Variants in SPECC1L observed in about 807,000 individuals in gnomAD.
SPECC1L encodes sperm antigen with calponin homology and coiled-coil domains 1 like.
Under a neutral mutation model 116.8 loss-of-function variants are expected in SPECC1L, and 40 were observed. That is an observed-to-expected ratio of 0.34 (90% CI 0.27 to 0.45). The LOEUF is 0.45. Among genes scored for constraint, SPECC1L ranks in the 20% least tolerant of loss-of-function variants. The pLI, the probability that SPECC1L is intolerant of heterozygous loss-of-function variation, is 1.00. For synonymous variants in SPECC1L, 504 were observed against 500.6 expected (o/e 1.01, Z -0.09); for missense variants, 1,110 against 1,373.6 (o/e 0.81, Z 3.03).
At chr22:24,276,424 C>T (rs2048839143) in intron 1 of SPECC1L, among the ~76,000 whole-genome samples, 1 of 152,032 alleles carries the variant, frequency 6.6e-6, no homozygotes, top group African/African-American at 2.4e-5. Flanking sequence ...CGAAGCGAGA[C>T]TCTGTCTCTA....
In SPECC1L at chr22:24,299,519, T is replaced by G. The variant is rs2049334020; in HGVS notation, c.-37-2676T>G. On this transcript the variant is annotated intron_variant, in intron 2 of 16. Coordinates refer to ENST00000314328, the MANE Select transcript of SPECC1L (RefSeq NM_015330.6). ...AAGTGATCTCAAGCTGCCAGCCTCCTTGAACAGTCTGCATCTCAGCATCTT... is the reference window on the plus strand; with the variant it reads ...AAGTGATCTCAAGCTGCCAGCCTCCGTGAACAGTCTGCATCTCAGCATCTT... 1.3e-5 allele frequency among the ~76,000 whole-genome samples: 2 copies of G among 152,212 alleles called. 1 individual carries two copies. Among genetic ancestry groups the G allele is most frequent in the South Asian group, 4.1e-4 (2 of 4,826 alleles).
At chr22:24,360,061 A>G (rs941556581) in intron 11 of SPECC1L, among the ~76,000 whole-genome samples, 3 of 152,188 alleles carry the variant, frequency 2.0e-5, no homozygotes, top group Admixed American at 2.0e-4. Flanking sequence ...CAAGTAGTGG[A>G]CACCTAAATG....
chr22:24,339,771 C>T (rs184874780), intron 10 of SPECC1L, among the ~76,000 whole-genome samples: 12 of 147,876 alleles, frequency 8.1e-5, no homozygotes, highest in Middle Eastern at 6.9e-3. Context: ...CATGTATATA[C>T]AAGATGTTAT....
chr22:24,301,871 C>A (rs2049386164), intron 2 of SPECC1L, among the ~76,000 whole-genome samples: 1 of 151,828 alleles, frequency 6.6e-6, no homozygotes, highest in African/African-American at 2.4e-5. Flanking sequence ...ACGGTGAAAC[C>A]CTGTCTCTAC....
intron 8 of SPECC1L, 134 bp downstream of exon 8, chr22:24,330,565 C>A: frequency 1.1e-6 from 1 of 922,714 alleles, no homozygotes; most frequent in Non-Finnish European, 1.7e-6. Flanking sequence ...AGTTACTCAG[C>A]TTTTCTGGGC....
At chr22:24,393,699 A>G (rs1447908498) in intron 14 of SPECC1L, among the ~76,000 whole-genome samples, 1 of 152,144 alleles carries the variant, frequency 6.6e-6, no homozygotes, top group Non-Finnish European at 1.5e-5. Flanking sequence ...TAAATTGCGT[A>G]TAAAGTTTAC....
At position 24,414,539 on chromosome 22, in the gene SPECC1L, T is replaced by G; in HGVS notation, c.3270T>G (p.Ile1090Met). Residue 1090 changes from isoleucine (I) to methionine (M), a missense_variant, in exon 17 of 17, where the codon ATT becomes ATG. Transcript: ENST00000314328. ...ESVGIKSTLD[I>M]NEMVRTERPD... ...GCGTCTTCCTTGTCTGTCAGGACAT[T>G]AATGAAATGGTACGGACTGAACGAC... 1 of 1,613,886 alleles carries G rather than the reference T, an allele frequency of 6.2e-7. No individual in the cohort carries two copies. Among genetic ancestry groups the G allele is most frequent in the Non-Finnish European group, 8.5e-7 (1 of 1,179,920 alleles).
chr22:24,411,383 G>A (rs541156241), intron 14 of SPECC1L, among the ~76,000 whole-genome samples: 2 of 151,986 alleles, frequency 1.3e-5, no homozygotes, highest in East Asian at 1.9e-4. Context: ...GCGTGACCAC[G>A]TAGGGGCAGC....
Position 24,368,328 on chromosome 22 carries a change from C to T in SPECC1L, c.2985-890C>T, listed in dbSNP as rs550412979. On this transcript the variant is annotated intron_variant, in intron 13 of 16. Transcript: ENST00000314328. ...CCTACTGCCTGCACATTGCCTGGCACGATGGTGCTCCATAAGGAGATGTTG... is the reference window on the plus strand; with the variant it reads ...CCTACTGCCTGCACATTGCCTGGCATGATGGTGCTCCATAAGGAGATGTTG... Among the ~76,000 whole-genome samples, 5 of 152,218 alleles carry T rather than the reference C, an allele frequency of 3.3e-5. No homozygotes were observed. The East Asian group carries it at 5.8e-4, about 18-fold the overall frequency.
chr22:24,291,997 G>C (rs543777771), intron 2 of SPECC1L, among the ~76,000 whole-genome samples: 4 of 152,306 alleles, frequency 2.6e-5, no homozygotes, highest in African/African-American at 9.6e-5. Context: ...TAATGGAGGT[G>C]AATAGGAGGA....
chr22:24,333,496 A>G (rs1033283728), intron 8 of SPECC1L, among the ~76,000 whole-genome samples: 8 of 152,134 alleles, frequency 5.3e-5, no homozygotes, highest in African/African-American at 1.4e-4. Flanking sequence ...GATTTTTTCA[A>G]ATGACTCAGG....
At chr22:24,379,760 G>A (rs2042031642) in intron 14 of SPECC1L, among the ~76,000 whole-genome samples, 2 of 152,286 alleles carry the variant, frequency 1.3e-5, no homozygotes, top group South Asian at 4.1e-4. Context: ...TTTGTTTCCT[G>A]TGAGACAGAT....
intron 14 of SPECC1L, among the ~76,000 whole-genome samples, chr22:24,388,355 G>A (rs1048341792): frequency 8.7e-5 from 13 of 149,998 alleles, no homozygotes; most frequent in African/African-American, 2.5e-4. Flanking sequence ...TTGTCCTTGC[G>A]ATAGTTTGCT....
chr22:24,347,279 A>G (rs372546150), intron 11 of SPECC1L, 103 bp downstream of exon 11: 148 of 842,194 alleles, frequency 1.8e-4, no homozygotes, highest in South Asian at 7.8e-4. Context: ...TACTATTTCA[A>G]TCAATCTGGT....
chr22:24,302,058 A>T, intron 2 of SPECC1L, 137 bp from the exon 3 acceptor site: 1 of 700,282 alleles, frequency 1.4e-6, no homozygotes. Context: ...AAAAAAAAAA[A>T]AATTTTTTTT....
At chr22:24,293,807 C>T (rs1302025859) in intron 2 of SPECC1L, among the ~76,000 whole-genome samples, 7 of 123,000 alleles carry the variant, frequency 5.7e-5, no homozygotes, top group Non-Finnish European at 1.2e-4. Flanking sequence ...AGGGAATCGC[C>T]ATGGTGGTCT....
chr22:24,374,271 G>A (rs1469175582), intron 14 of SPECC1L, among the ~76,000 whole-genome samples: 1 of 151,692 alleles, frequency 6.6e-6, no homozygotes, highest in Non-Finnish European at 1.5e-5. Context: ...CCCATTACTG[G>A]GTATATACCC....
chr22:24,353,120 A>G (rs1245052768), intron 11 of SPECC1L, among the ~76,000 whole-genome samples: 4 of 152,230 alleles, frequency 2.6e-5, no homozygotes, highest in African/African-American at 9.6e-5. Flanking sequence ...ATAACTATAG[A>G]ACAGTTACAA....
chr22:24,280,173 G>T (rs1417347684), intron 2 of SPECC1L, among the ~76,000 whole-genome samples: 2 of 152,094 alleles, frequency 1.3e-5, no homozygotes, highest in East Asian at 1.9e-4. Context: ...ATGAATTGGG[G>T]GGTAATCAGC....
Sources: allele counts gnomAD v4.1 joint callset (sites outside exome capture counted in the v4.1 genomes callset), GRCh38; gene constraint gnomAD v4.1.1; transcripts MANE v1.5; gene names NCBI Gene and HGNC (gene_info 2026-07-23, HGNC 2026-07-21).